Variants in MAGI2 observed in about 807,000 individuals in gnomAD.
MAGI2 encodes the protein membrane-associated guanylate kinase, WW and PDZ domain-containing protein 2.
MAGI2 carries 35 observed loss-of-function variants against 133.3 expected under a neutral mutation model. The observed-to-expected ratio is 0.26, with a 90% CI of 0.20 to 0.35. The LOEUF is 0.35. Ranked by LOEUF, MAGI2 falls within the 10% of genes least tolerant of loss-of-function variation. MAGI2 has a pLI of 1.00. For missense variants in MAGI2, 1,636 were observed against 1,863.4 expected (o/e 0.88, Z 2.25); for synonymous variants, 729 against 710.6 (o/e 1.03, Z -0.41).
chr7:78,955,736 T>C (rs541531965), intron 2 of MAGI2, among the ~76,000 whole-genome samples: 21 of 45,696 alleles, frequency 4.6e-4, no homozygotes, highest in African/African-American at 1.1e-3. Flanking sequence ...TTTCTTTCTT[T>C]CTTTCTTTCT....
At chr7:78,175,903 T>C (rs1405484708) in intron 14 of MAGI2, among the ~76,000 whole-genome samples, 5 of 152,186 alleles carry the variant, frequency 3.3e-5, no homozygotes, top group South Asian at 2.1e-4. Flanking sequence ...TGAACAATCC[T>C]GAAGGAAGCC....
chr7:78,065,504 C>T (rs1423183289), intron 21 of MAGI2: 3 of 615,588 alleles, frequency 4.9e-6, no homozygotes, highest in African/African-American at 1.9e-5. Flanking sequence ...AAGCATTATA[C>T]ATCAGTTAAA....
intron 3 of MAGI2, among the ~76,000 whole-genome samples, chr7:78,553,720 C>T (rs985373936): frequency 6.6e-6 from 1 of 152,168 alleles, no homozygotes; most frequent in African/African-American, 2.4e-5. Flanking sequence ...GACAAGTAAA[C>T]CAGAGCTCAG....
intron 2 of MAGI2, among the ~76,000 whole-genome samples, chr7:78,744,588 T>TG (rs1271244250): frequency 6.6e-6 from 1 of 152,182 alleles, no homozygotes; most frequent in Non-Finnish European, 1.5e-5. Context: ...TATGAAGTTG[T>TG]GACTGCTGGG....
chr7:78,325,488 C>T (rs554155030), intron 9 of MAGI2, among the ~76,000 whole-genome samples: 60 of 152,286 alleles, frequency 3.9e-4, no homozygotes, highest in African/African-American at 1.3e-3. Flanking sequence ...CTAGTTGCTC[C>T]AGCTTGAAAC....
At position 79,028,297 on chromosome 7, in the gene MAGI2, G is replaced by A. The variant is rs868782433; in HGVS notation, c.302-21091C>T. ...TGTATGTATATATATATATATGTGTGTATATATATATATATACACACATAT... is the reference window on the plus strand; with the variant it reads ...TGTATGTATATATATATATATGTGTATATATATATATATATACACACATAT... On this transcript the variant is annotated intron_variant, in intron 1 of 21. Coordinates refer to ENST00000354212, the MANE Select transcript of MAGI2 (RefSeq NM_012301.4). Among the ~76,000 whole-genome samples, 69 of 27,600 alleles carry A rather than the reference G, an allele frequency of 2.5e-3. 2 individuals are homozygous for A. The highest frequency in any genetic ancestry group is 4.3e-3 in the African/African-American group (49 of 11,372). The allele number at this position is 27,600 out of a possible 152,430, so 18.1% of individuals were successfully genotyped here. A position where few individuals can be genotyped will look rare whatever the true frequency, so the allele number is the denominator to read the frequency against.
intron 6 of MAGI2, among the ~76,000 whole-genome samples, chr7:78,371,419 A>G (rs1378836092): frequency 1.3e-5 from 2 of 151,984 alleles, no homozygotes; most frequent in African/African-American, 4.8e-5. Context: ...AATATATAAA[A>G]CAATCATGTT....
chr7:79,421,704 A>C (rs1846970112), intron 1 of MAGI2, among the ~76,000 whole-genome samples: 1 of 152,000 alleles, frequency 6.6e-6, no homozygotes, highest in Admixed American at 6.6e-5. Context: ...TATAAAAGAA[A>C]GTTACAGCCA....
chr7:79,235,569 G>C (rs185464496), intron 1 of MAGI2, among the ~76,000 whole-genome samples: 1 of 152,288 alleles, frequency 6.6e-6, no homozygotes, highest in South Asian at 2.1e-4. Flanking sequence ...AGGTGCGTCC[G>C]TCACCCCTTT....
intron 2 of MAGI2, among the ~76,000 whole-genome samples, chr7:78,903,170 A>ATT (rs1797734490): frequency 1.1e-5 from 1 of 92,918 alleles, no homozygotes; most frequent in Non-Finnish European, 2.2e-5. Context: ...GAGTTCCTGA[A>ATT]TCTTTTTTTT....
intron 1 of MAGI2, among the ~76,000 whole-genome samples, chr7:79,389,669 G>C (rs1357507458): frequency 6.6e-6 from 1 of 150,424 alleles, no homozygotes; most frequent in Non-Finnish European, 1.5e-5. Flanking sequence ...AGCCAACCTG[G>C]AAATAAGTCA....
At chr7:79,300,773 C>T (rs137968657) in intron 1 of MAGI2, among the ~76,000 whole-genome samples, 1 of 152,190 alleles carries the variant, frequency 6.6e-6, no homozygotes, top group Admixed American at 6.5e-5. Flanking sequence ...TTTCAGAGAC[C>T]TTTGTGGCAG....
chr7:78,535,189 G>A (rs1054760158), intron 3 of MAGI2, among the ~76,000 whole-genome samples: 2 of 152,160 alleles, frequency 1.3e-5, no homozygotes, highest in Non-Finnish European at 2.9e-5. Context: ...AAGAGGTACA[G>A]AGAGGAAAAA....
intron 3 of MAGI2, among the ~76,000 whole-genome samples, chr7:78,579,962 A>G (rs1020723392): frequency 1.3e-5 from 2 of 152,160 alleles, no homozygotes; most frequent in Admixed American, 1.3e-4. Context: ...AGTATTGTAC[A>G]CCTGGCATAT....
intron 16 of MAGI2, among the ~76,000 whole-genome samples, chr7:78,144,533 CT>C: frequency 6.6e-6 from 1 of 152,182 alleles, no homozygotes; most frequent in Middle Eastern, 3.4e-3. Context: ...AGTTTCTTTC[CT>C]TCTTTCGCCA....
intron 1 of MAGI2, among the ~76,000 whole-genome samples, chr7:79,317,659 CAGCCCAATTCACGCA>C (rs1298065174): frequency 6.6e-6 from 1 of 152,144 alleles, no homozygotes; most frequent in Non-Finnish European, 1.5e-5. Context: ...GTTACACTCA[CAGCCCAATTCACGCA>C]AGCTACATTT....
intron 2 of MAGI2, among the ~76,000 whole-genome samples, chr7:78,643,016 C>A (rs1034873146): frequency 4.6e-5 from 7 of 152,106 alleles, no homozygotes; most frequent in African/African-American, 1.7e-4. Context: ...GAATCTCTGC[C>A]AGGAAAGAAT....
chr7:79,387,094 T>TTGTGTGTGTG (rs3050633), intron 1 of MAGI2, among the ~76,000 whole-genome samples: 15,391 of 141,442 alleles, frequency 0.11, 1,039 homozygotes, highest in East Asian at 0.24. Flanking sequence ...ATTTTTATGC[T>TTGTGTGTGTG]TGTGTGTGTG....
chr7:79,216,679 T>G (rs775355604), intron 1 of MAGI2, among the ~76,000 whole-genome samples: 7 of 152,092 alleles, frequency 4.6e-5, no homozygotes, highest in Non-Finnish European at 8.8e-5. Context: ...CCCTGTTGCA[T>G]GTCCTGCAAG....
Sources: allele counts gnomAD v4.1 joint callset (sites outside exome capture counted in the v4.1 genomes callset), GRCh38; gene constraint gnomAD v4.1.1; transcripts MANE v1.5; gene names NCBI Gene and HGNC (gene_info 2026-07-23, HGNC 2026-07-21).